The following ZPBP variants were observed in gnomAD, a reference collection of about 807,000 sequenced individuals.
The protein encoded by ZPBP is zona pellucida binding protein.
A neutral mutation model predicts 44.8 loss-of-function variants in ZPBP; 26 were observed. That is an observed-to-expected ratio of 0.58 (90% CI 0.43 to 0.81). The LOEUF (loss-of-function observed/expected upper bound fraction) is 0.81, where lower values mean the gene tolerates loss of function less well. Ranked by LOEUF, ZPBP falls within the 30% of genes least tolerant of loss-of-function variation. The pLI, the probability that ZPBP is intolerant of heterozygous loss-of-function variation, is 0.00. For missense variants in ZPBP, 409 were observed against 434.0 expected, an observed-to-expected ratio of 0.94 and a Z score of 0.51; for synonymous variants, 174 against 153.2, an observed-to-expected ratio of 1.14 and a Z score of -1.00.
intron 1 of ZPBP, among the ~76,000 whole-genome samples, chr7:49,923,322 A>T (rs1254622170): frequency 6.6e-6 from 1 of 152,248 alleles, no homozygotes; most frequent in Non-Finnish European, 1.5e-5. Flanking sequence ...TTCCATGTAA[A>T]AAAGAATTAT....
chr7:49,991,563 C>T (rs1178981726), intron 6 of ZPBP, among the ~76,000 whole-genome samples: 1 of 152,086 alleles, frequency 6.6e-6, no homozygotes, highest in Non-Finnish European at 1.5e-5. Flanking sequence ...AAAAGCAAAA[C>T]AATCCATTCT....
chr7:50,089,714 C>CA lies in ZPBP; in HGVS notation c.128-6dup, dbSNP rs202222027. 1,973 of 1,582,280 alleles carry CA rather than the reference C, an allele frequency of 1.2e-3. 6 individuals carry two copies. The African/African-American group carries it at 0.017, about 14-fold the overall frequency. On this transcript the variant is annotated splice_region_variant and splice_polypyrimidine_tract_variant and intron_variant, in intron 1 of 7. Coordinates refer to ENST00000046087, the MANE Select transcript of ZPBP (RefSeq NM_007009.3). ...GTAATCGAACCAAGTGTCCAACTAT[C>CA]AAAAAAAAAGATCAACAATTTGTCT...
intron 7 of ZPBP, among the ~76,000 whole-genome samples, chr7:49,957,223 G>A (rs1355449079): frequency 6.6e-6 from 1 of 152,182 alleles, no homozygotes; most frequent in Non-Finnish European, 1.5e-5. Flanking sequence ...ATACATTTCT[G>A]TTCTTTATAA....
intron 1 of ZPBP, among the ~76,000 whole-genome samples, chr7:49,901,674 A>G (rs1792735968): frequency 6.6e-6 from 1 of 151,940 alleles, no homozygotes; most frequent in Non-Finnish European, 1.5e-5. Context: ...AAGCAATTTT[A>G]TAGTTATCAA....
At chr7:49,988,057 T>C (rs969845857) in intron 6 of ZPBP, among the ~76,000 whole-genome samples, 3 of 152,332 alleles carry the variant, frequency 2.0e-5, no homozygotes, top group East Asian at 3.9e-4. Context: ...AGAAATTTCA[T>C]GTGTGAATAC....
chr7:49,891,422 G>A (rs964028518), intron 2 of ZPBP, among the ~76,000 whole-genome samples: 1 of 152,108 alleles, frequency 6.6e-6, no homozygotes, highest in Non-Finnish European at 1.5e-5. Context: ...TCAGACAAAG[G>A]ACTTTTGCAG....
intron 1 of ZPBP, among the ~76,000 whole-genome samples, chr7:49,905,903 C>A (rs199636165): frequency 6.7e-6 from 1 of 149,484 alleles, no homozygotes; most frequent in Non-Finnish European, 1.5e-5. Flanking sequence ...CACTGCTACA[C>A]TCCCACCAGC....
In ZPBP at chr7:50,081,828, C is replaced by A. The variant is rs1374053298; in HGVS notation, c.280G>T (p.Glu94Ter). The A allele has an allele frequency of 7.4e-6, 12 of 1,611,516 alleles. No homozygotes were observed. Among genetic ancestry groups the A allele is most frequent in the Non-Finnish European group, 1.0e-5 (12 of 1,178,354 alleles). Reference sequence around the variant, plus strand: ...CATTGGAATGATGGGTCTATCAGTTCAGCATTTCGCAGTTGTTGCGTTACA... The same window carrying A: ...CATTGGAATGATGGGTCTATCAGTTAAGCATTTCGCAGTTGTTGCGTTACA... ...LCVTQQLRNA[E>*]LIDPSFQWYG... Residue 94 changes from glutamate (E) to a stop codon, truncating the protein, a stop_gained, in exon 3 of 8, where the codon GAA becomes TAA. Coordinates refer to ENST00000046087, the MANE Select transcript of ZPBP (RefSeq NM_007009.3). LOFTEE classifies it high-confidence loss of function.
At chr7:49,918,444 T>C (rs1390125516) in intron 1 of ZPBP, 1 of 152,222 alleles carries the variant, frequency 6.6e-6, no homozygotes, top group Non-Finnish European at 1.5e-5. Flanking sequence ...CTTGTCAAAG[T>C]AAATAGTAGC....
At position 50,052,350 on chromosome 7, in the gene ZPBP, T is replaced by G. The variant is rs79889999; in HGVS notation, c.487+5639A>C. ...ATGGCAAATAAACTCATAAAATATA[T>G]TTAATACATCATTAGAAATTATAGA... is the stretch of plus-strand genomic sequence containing the variant. On this transcript the variant is annotated intron_variant, in intron 4 of 7. Transcript: ENST00000046087. 4.5e-3 allele frequency among the ~76,000 whole-genome samples: 680 copies of G among 152,262 alleles called. 3 individuals carry two copies. Among genetic ancestry groups the G allele is most frequent in the African/African-American group, 0.016 (660 of 41,556 alleles).
At chr7:50,028,001 T>G (rs1261128326) in intron 5 of ZPBP, among the ~76,000 whole-genome samples, 1 of 151,986 alleles carries the variant, frequency 6.6e-6, no homozygotes, top group Non-Finnish European at 1.5e-5. Flanking sequence ...TTAAATAAAA[T>G]TCATCTCACT....
intron 4 of ZPBP, among the ~76,000 whole-genome samples, chr7:50,055,792 T>C (rs1047467230): frequency 5.3e-5 from 8 of 152,182 alleles, no homozygotes; most frequent in Non-Finnish European, 1.2e-4. Context: ...TTATCATTAT[T>C]ATAAACCAGC....
intron 7 of ZPBP, among the ~76,000 whole-genome samples, chr7:49,948,016 A>C (rs1426035122): frequency 2.6e-5 from 4 of 152,154 alleles, no homozygotes; most frequent in African/African-American, 9.7e-5. Flanking sequence ...GCTACCACCA[A>C]TGTTCACTCG....
chr7:49,882,483 A>G (rs954959424), intron 2 of ZPBP, among the ~76,000 whole-genome samples: 2 of 152,198 alleles, frequency 1.3e-5, no homozygotes, highest in African/African-American at 4.8e-5. Context: ...AGGAAGGAAG[A>G]GAGACTGAGA....
downstream of ZPBP, among the ~76,000 whole-genome samples, chr7:49,935,151 T>C (rs76687129): frequency 0.031 from 4,761 of 152,248 alleles, 224 homozygotes; most frequent in African/African-American, 0.11. Context: ...TTTATACTCA[T>C]AGAACTTTAA....
At position 50,031,212 on chromosome 7, in the gene ZPBP, G is replaced by A. The variant is rs757832859; in HGVS notation, c.586C>T (p.Gln196Ter). 6.2e-7 allele frequency: 1 copy of A among 1,613,490 alleles called. No individual in the cohort carries two copies. Among genetic ancestry groups the A allele is most frequent in the East Asian group, 2.2e-5 (1 of 44,784 alleles). The change falls in exon 5 of 8, where the codon CAG becomes TAG. Residue 196 changes from glutamine (Q) to a stop codon, truncating the protein, a stop_gained. Coordinates refer to ENST00000046087, the MANE Select transcript of ZPBP (RefSeq NM_007009.3). LOFTEE classifies it high-confidence loss of function. ...YNISFEKKLL[Q>*]ILSKLLLDLS... ...TCAAGAAGCAGTTTGCTTAAAATCT[G>A]AAGAAGTTTCTTCTCAAAAGAAATA...
intron 1 of ZPBP, chr7:49,922,022 A>G (rs1794041028): frequency 6.6e-6 from 1 of 152,226 alleles, no homozygotes. Context: ...AAGTAGATTA[A>G]GCAAGATAAA....
chr7:49,939,676 A>C (rs1794780185), intron 7 of ZPBP, among the ~76,000 whole-genome samples: 1 of 152,164 alleles, frequency 6.6e-6, no homozygotes, highest in African/African-American at 2.4e-5. Context: ...TATTAAAATT[A>C]AGAAATTAAT....
intron 6 of ZPBP, among the ~76,000 whole-genome samples, chr7:50,016,770 G>A (rs546715457): frequency 2.6e-5 from 4 of 152,062 alleles, no homozygotes; most frequent in Non-Finnish European, 5.9e-5. Context: ...GGTAATAACT[G>A]ACTAATGTTT....
Sources: allele counts gnomAD v4.1 joint callset (sites outside exome capture counted in the v4.1 genomes callset), GRCh38; gene constraint gnomAD v4.1.1; transcripts MANE v1.5; gene names NCBI Gene and HGNC (gene_info 2026-07-23, HGNC 2026-07-21).